Variants in PRDM5 observed in about 807,000 individuals in gnomAD.
The protein encoded by PRDM5 is PR domain zinc finger protein 5.
PRDM5 carries 56 observed loss-of-function variants against 81.2 expected under a neutral mutation model. That is an observed-to-expected ratio of 0.69 (90% CI 0.56 to 0.86). The LOEUF is 0.86. Among genes scored for constraint, PRDM5 ranks in the 40% least tolerant of loss-of-function variants. The pLI is 0.00. For missense variants in PRDM5, 697 were observed against 770.1 expected, an observed-to-expected ratio of 0.91 and a Z score of 1.12; for synonymous variants, 267 against 256.4, an observed-to-expected ratio of 1.04 and a Z score of -0.39.
chr4:120,807,437 A>G (rs1753151772), intron 8 of PRDM5, among the ~76,000 whole-genome samples: 1 of 152,258 alleles, frequency 6.6e-6, no homozygotes, highest in Admixed American at 6.5e-5. Context: ...CACTATTCAC[A>G]ATAGCAAAGA....
At chr4:120,734,340 G>T (rs1247715666) in intron 14 of PRDM5, among the ~76,000 whole-genome samples, 2 of 151,620 alleles carry the variant, frequency 1.3e-5, no homozygotes, top group Non-Finnish European at 2.9e-5. Flanking sequence ...TTAGACCAGA[G>T]ATTCTTGAAT....
intron 2 of PRDM5, among the ~76,000 whole-genome samples, chr4:120,869,030 C>T (rs1454413909): frequency 1.3e-5 from 2 of 152,100 alleles, no homozygotes; most frequent in Non-Finnish European, 2.9e-5. Context: ...AAACTACTAC[C>T]TTAAATGCAG....
At chr4:120,901,752 T>C (rs1250001210) in intron 2 of PRDM5, among the ~76,000 whole-genome samples, 1 of 152,246 alleles carries the variant, frequency 6.6e-6, no homozygotes, top group Non-Finnish European at 1.5e-5. Flanking sequence ...ATATTTTACT[T>C]GAAATTTTAG....
intron 2 of PRDM5, among the ~76,000 whole-genome samples, chr4:120,906,379 C>T (rs1045804728): frequency 2.6e-5 from 4 of 152,144 alleles, no homozygotes; most frequent in Non-Finnish European, 5.9e-5. Context: ...ATAGGCTATA[C>T]CCTATAGCTT....
intron 2 of PRDM5, among the ~76,000 whole-genome samples, chr4:120,855,436 T>G (rs1759764705): frequency 6.6e-6 from 1 of 152,206 alleles, no homozygotes; most frequent in Non-Finnish European, 1.5e-5. Flanking sequence ...TGAAAAGATC[T>G]GCTTTGGGAG....
intron 12 of PRDM5, among the ~76,000 whole-genome samples, chr4:120,780,654 T>C (rs1166937485): frequency 1.3e-5 from 2 of 152,098 alleles, no homozygotes; most frequent in African/African-American, 4.8e-5. Context: ...AAGCAAGTAT[T>C]TATCGAGTCC....
intron 14 of PRDM5, among the ~76,000 whole-genome samples, chr4:120,750,195 G>A (rs1404139097): frequency 6.6e-6 from 1 of 152,182 alleles, no homozygotes; most frequent in Non-Finnish European, 1.5e-5. Context: ...ACCCTGAGTG[G>A]TGTCAGAAGC....
At chr4:120,754,145 A>G (rs1166001305) in intron 14 of PRDM5, among the ~76,000 whole-genome samples, 1 of 152,214 alleles carries the variant, frequency 6.6e-6, no homozygotes, top group Non-Finnish European at 1.5e-5. Flanking sequence ...CTTTCTTGCA[A>G]ATATACTTGC....
chr4:120,702,407 C>A (rs148620880), intron 15 of PRDM5, among the ~76,000 whole-genome samples: 103 of 152,310 alleles, frequency 6.8e-4, no homozygotes, highest in African/African-American at 2.3e-3. Context: ...AGGAAGCCCA[C>A]GTGACACATC....
chr4:120,872,015 G>A (rs1761853426), intron 2 of PRDM5, among the ~76,000 whole-genome samples: 1 of 151,922 alleles, frequency 6.6e-6, no homozygotes, highest in African/African-American at 2.4e-5. Context: ...GCCAGGCGTG[G>A]TGGCACACGC....
intron 15 of PRDM5, among the ~76,000 whole-genome samples, chr4:120,697,667 A>ATTTTTTTTTTT (rs1560882467): frequency 1.2e-5 from 1 of 86,002 alleles, no homozygotes. Flanking sequence ...TGCCCAGCTA[A>ATTTTTTTTTTT]CTATTTTTTT....
intron 15 of PRDM5, 119 bp from the exon 16 acceptor site, chr4:120,695,394 C>A: frequency 8.8e-7 from 1 of 1,139,302 alleles, no homozygotes; most frequent in Non-Finnish European, 1.3e-6. Context: ...AATCGGTGTC[C>A]TTTGTACCCG....
chr4:120,742,719 A>C (rs1392088234), intron 14 of PRDM5, among the ~76,000 whole-genome samples: 2 of 152,176 alleles, frequency 1.3e-5, no homozygotes, highest in African/African-American at 4.8e-5. Flanking sequence ...CGAGAAGGAA[A>C]GTTTAGAGAA....
At chr4:120,800,284 G>A (rs1439066618) in intron 8 of PRDM5, among the ~76,000 whole-genome samples, 2 of 152,116 alleles carry the variant, frequency 1.3e-5, no homozygotes, top group Non-Finnish European at 2.9e-5. Flanking sequence ...GGGAGGCCAA[G>A]GCAAGAGGAT....
At chr4:120,887,631 C>A (rs1481803449) in intron 2 of PRDM5, among the ~76,000 whole-genome samples, 4 of 152,168 alleles carry the variant, frequency 2.6e-5, no homozygotes, top group Non-Finnish European at 4.4e-5. Context: ...TGCTTTGTTT[C>A]TGTCCTTTGA....
chr4:120,848,354 C>G (rs1049960770), intron 3 of PRDM5, among the ~76,000 whole-genome samples: 10 of 152,040 alleles, frequency 6.6e-5, no homozygotes, highest in Non-Finnish European at 1.5e-4. Context: ...AAAAAGTAAT[C>G]TCAACTTTAA....
intron 4 of PRDM5, 102 bp from the exon 5 acceptor site, chr4:120,818,629 G>C (rs1464464840): frequency 1.0e-6 from 1 of 968,178 alleles, no homozygotes; most frequent in African/African-American, 1.6e-5. Context: ...TGTGCTTAAT[G>C]ATACCATATG....
At chr4:120,715,458 T>C (rs1737611107) in intron 14 of PRDM5, among the ~76,000 whole-genome samples, 1 of 151,972 alleles carries the variant, frequency 6.6e-6, no homozygotes, top group Non-Finnish European at 1.5e-5. Context: ...GTCCAAAAAA[T>C]ATAATGTGCT....
chr4:120,789,939 T>A (rs1444286772), intron 10 of PRDM5, among the ~76,000 whole-genome samples: 1 of 152,124 alleles, frequency 6.6e-6, no homozygotes, highest in Non-Finnish European at 1.5e-5. Context: ...ATTCCATCAG[T>A]ACAAAGCCAC....
Sources: gnomAD v4.1 joint callset for allele counts (sites outside exome capture counted in the v4.1 genomes callset) on GRCh38, gnomAD v4.1.1 for gene constraint, MANE v1.5 for transcripts, NCBI Gene and HGNC (gene_info 2026-07-23, HGNC 2026-07-21) for gene names.